Variants in EDA observed in about 807,000 individuals in gnomAD.
EDA encodes ectodysplasin A.
EDA carries 2 observed loss-of-function variants against 23.6 expected under a neutral mutation model. The observed-to-expected ratio is 0.08, with a 90% CI of 0.03 to 0.27. The LOEUF (loss-of-function observed/expected upper bound fraction) is 0.27. EDA is among the 10% of genes least tolerant of loss of function. The pLI is 1.00. For synonymous variants in EDA, 131 were observed against 132.0 expected (o/e 0.99, Z 0.05); for missense variants, 229 against 324.2 (o/e 0.71, Z 2.26).
intron 2 of EDA, chrX:69,957,477 T>TA (rs2019027785): frequency 1.9e-5 from 1 of 52,852 alleles, no homozygotes; most frequent in Non-Finnish European, 3.3e-5. Flanking sequence ...AGACTCCATC[T>TA]CAAAAAAAAA....
At chrX:69,789,502 G>C (rs191134064) in intron 1 of EDA, among the ~76,000 whole-genome samples, 1 of 112,182 alleles carries the variant, frequency 8.9e-6, no homozygotes, top group East Asian at 2.8e-4. Flanking sequence ...TGCACCAGCT[G>C]TATCTATTTC....
intron 1 of EDA, among the ~76,000 whole-genome samples, chrX:69,805,871 A>C (rs1280849153): frequency 2.7e-5 from 3 of 111,827 alleles, no homozygotes; most frequent in African/African-American, 9.7e-5. Context: ...ATACACTCTG[A>C]TATAGGAAGA....
intron 1 of EDA, among the ~76,000 whole-genome samples, chrX:69,644,734 ACTATTGG>A (rs1483646277): frequency 1.8e-5 from 2 of 111,089 alleles, no homozygotes. Context: ...CATTCAGTAT[ACTATTGG>A]CTGTGGGTTT....
At chrX:69,670,435 G>T in intron 1 of EDA, 1 of 294,593 alleles carries the variant, frequency 3.4e-6, no homozygotes, top group Non-Finnish European at 5.9e-6. Context: ...TCTGGATGTT[G>T]ATATCTCTCC....
intron 1 of EDA, among the ~76,000 whole-genome samples, chrX:69,745,346 T>G (rs1032555033): frequency 5.4e-5 from 6 of 111,542 alleles, no homozygotes; most frequent in Non-Finnish European, 9.4e-5. Flanking sequence ...TGGGTCTTTT[T>G]GGGAAAATAG....
At chrX:69,991,039 T>C (rs2019581651) in intron 2 of EDA, among the ~76,000 whole-genome samples, 1 of 111,467 alleles carries the variant, frequency 9.0e-6, no homozygotes, top group Non-Finnish European at 1.9e-5. Flanking sequence ...CTATTTTTAT[T>C]TTTTTAACTT....
chrX:69,621,081 T>C (rs1176367064), intron 1 of EDA: 1 of 217,228 alleles, frequency 4.6e-6, no homozygotes, highest in Non-Finnish European at 8.5e-6. Context: ...AAAAGCTTCC[T>C]GTAATATATT....
intron 1 of EDA, among the ~76,000 whole-genome samples, chrX:69,690,590 A>G (rs765584561): frequency 1.7e-4 from 19 of 111,607 alleles, no homozygotes; most frequent in Non-Finnish European, 3.0e-4. Context: ...ATATTGGTCT[A>G]TAGTTTTCTT....
intron 1 of EDA, among the ~76,000 whole-genome samples, chrX:69,900,530 T>C (rs1442454727): frequency 6.4e-5 from 7 of 109,996 alleles, no homozygotes; most frequent in Non-Finnish European, 1.3e-4. Context: ...AGTTAATTCA[T>C]GTAACACACT....
chrX:69,707,697 A>G (rs751677160), intron 1 of EDA, among the ~76,000 whole-genome samples: 6 of 111,609 alleles, frequency 5.4e-5, no homozygotes, highest in Admixed American at 2.9e-4. Flanking sequence ...TTCTATATCC[A>G]TAATTCTTAT....
chrX:69,994,395 A>T (rs2019628806), intron 2 of EDA, among the ~76,000 whole-genome samples: 1 of 112,069 alleles, frequency 8.9e-6, no homozygotes, highest in Admixed American at 9.4e-5. Flanking sequence ...TTCTTTTCAC[A>T]TCTATACCAA....
At chrX:69,923,487 C>T (rs1010476373) in intron 1 of EDA, among the ~76,000 whole-genome samples, 1 of 111,524 alleles carries the variant, frequency 9.0e-6, no homozygotes, top group Non-Finnish European at 1.9e-5. Flanking sequence ...TTTATGGCTG[C>T]GTAGTATTCC....
intron 1 of EDA, among the ~76,000 whole-genome samples, chrX:69,801,333 A>G (rs998477267): frequency 2.8e-5 from 3 of 108,139 alleles, no homozygotes; most frequent in Non-Finnish European, 3.8e-5. Flanking sequence ...GGCACATGCC[A>G]TCTTTTTTTT....
chrX:69,967,039 C>A (rs1025463969), intron 2 of EDA, among the ~76,000 whole-genome samples: 1 of 109,208 alleles, frequency 9.2e-6, no homozygotes. Flanking sequence ...ATATCGATTA[C>A]CTTGGGTGGA....
chrX:69,934,078 G>A (rs1465001250), intron 1 of EDA, among the ~76,000 whole-genome samples: 2 of 111,507 alleles, frequency 1.8e-5, no homozygotes, highest in African/African-American at 6.5e-5. Flanking sequence ...GTGTGTAGGG[G>A]TTGAGCAAAA....
chrX:69,929,753 T>A (rs1290142514), intron 1 of EDA, among the ~76,000 whole-genome samples: 3 of 96,037 alleles, frequency 3.1e-5, no homozygotes, highest in Non-Finnish European at 4.2e-5. Flanking sequence ...TGTGTGTGTG[T>A]GATGTATAAT....
intron 1 of EDA, among the ~76,000 whole-genome samples, chrX:69,822,805 T>TG (rs1472049338): frequency 9.8e-4 from 104 of 106,224 alleles, no homozygotes; most frequent in African/African-American, 3.6e-3. Flanking sequence ...CACTAACTCG[T>TG]CATCCAGCAT....
intron 2 of EDA, among the ~76,000 whole-genome samples, chrX:69,989,580 G>A (rs1368750883): frequency 1.8e-5 from 2 of 111,216 alleles, no homozygotes; most frequent in Non-Finnish European, 3.8e-5. Flanking sequence ...AACAGCTGTA[G>A]TAAAATCCAT....
At chrX:69,998,677 CA>C (rs1052392784) in intron 2 of EDA, among the ~76,000 whole-genome samples, 2 of 111,692 alleles carry the variant, frequency 1.8e-5, no homozygotes, top group Non-Finnish European at 3.8e-5. Context: ...CCATAATTCC[CA>C]TGTTGTGGGA....
Sources: allele counts gnomAD v4.1 joint callset (sites outside exome capture counted in the v4.1 genomes callset), GRCh38; gene constraint gnomAD v4.1.1; transcripts MANE v1.5; gene names NCBI Gene and HGNC (gene_info 2026-07-23, HGNC 2026-07-21).